Variants in LRRC56 observed in about 807,000 individuals in gnomAD.
LRRC56 encodes the protein leucine rich repeat containing 56, also known as leucine-rich repeat-containing protein 56.
In LRRC56, 41 loss-of-function variants were observed where a neutral mutation model predicts 47.8. The ratio of observed to expected loss-of-function variants is 0.86; its 90% CI spans 0.67 to 1.11. LRRC56 has a LOEUF of 1.11. Among genes scored for constraint, LRRC56 ranks in the 50% most tolerant of loss-of-function variants. The probability of loss-of-function intolerance (pLI) is 0.00; values close to 1 mark genes in which losing one functional copy is unlikely to be tolerated. For missense variants in LRRC56, 759 were observed against 704.2 expected, an observed-to-expected ratio of 1.08 and a Z score of -0.88; for synonymous variants, 387 against 311.2, an observed-to-expected ratio of 1.24 and a Z score of -2.56.
At position 551,121 on chromosome 11, in the gene LRRC56, C is replaced by G; in HGVS notation, c.625-10C>G. The G allele has an allele frequency of 1.4e-6, 2 of 1,384,000 alleles. No homozygotes were observed. Among genetic ancestry groups the G allele is most frequent in the Non-Finnish European group, 1.9e-6 (2 of 1,032,708 alleles). 85.7% of individuals were successfully genotyped at this position (1,384,000 alleles called of 1,614,324 possible). A position where few individuals can be genotyped will look rare whatever the true frequency, so the allele number is the denominator to read the frequency against. Reference sequence around the variant, plus strand: ...ACCTGCCCTCCCTCCCCCTCCCCCTCCCCCTGCAGGTGCCCAGGGGCTACA... The same window carrying G: ...ACCTGCCCTCCCTCCCCCTCCCCCTGCCCCTGCAGGTGCCCAGGGGCTACA... On this transcript the variant is annotated splice_polypyrimidine_tract_variant and intron_variant, in intron 8 of 13. Coordinates refer to ENST00000270115, the MANE Select transcript of LRRC56 (RefSeq NM_198075.4).
chr11:550,624 C>T (rs565673728), intron 8 of LRRC56, among the ~76,000 whole-genome samples: 1 of 152,296 alleles, frequency 6.6e-6, no homozygotes, highest in African/African-American at 2.4e-5. Flanking sequence ...CACCTCCAGC[C>T]CCACAGGCCC....
intron 6 of LRRC56, among the ~76,000 whole-genome samples, chr11:546,709 G>A (rs895868914): frequency 3.9e-5 from 6 of 152,122 alleles, no homozygotes; most frequent in African/African-American, 7.2e-5. Flanking sequence ...GCACCCAGAC[G>A]ACACCGCGAA....
Position 554,135 on chromosome 11 carries a change from G to A in LRRC56, c.1488G>A (p.Val496=), listed in dbSNP as rs914098368. ...GCCTGGGTGATGGGGTGGCTGCAGT[G>A]CCTGTCCTGAGAGCCCTGGAGGTGG... ...GPGLGDGVAA[V]PVLRALEVAS... Residue 496 remains valine, a synonymous_variant, in exon 14 of 14, where the codon GTG becomes GTA. Coordinates refer to ENST00000270115, the MANE Select transcript of LRRC56 (RefSeq NM_198075.4). 3 of 1,602,498 alleles carry A rather than the reference G, an allele frequency of 1.9e-6. No homozygotes were observed. The highest frequency in any genetic ancestry group is 1.3e-5 in the African/African-American group (1 of 74,826).
the LRRC56 span, among the ~76,000 whole-genome samples, chr11:507,633 CGGGGCGCGGCCCCCG>C: frequency 6.6e-6 from 1 of 152,158 alleles, no homozygotes. Flanking sequence ...TGCTGGGGCG[CGGGGCGCGGCCCCCG>C]GAGAAAGCGG....
chr11:514,942 T>C, the LRRC56 span, among the ~76,000 whole-genome samples: 1 of 152,194 alleles, frequency 6.6e-6, no homozygotes, highest in Admixed American at 6.5e-5. Flanking sequence ...ACAGAGGCGG[T>C]GGAGCCCTTG....
chr11:510,233 G>A, the LRRC56 span, among the ~76,000 whole-genome samples: 252 of 152,318 alleles, frequency 1.7e-3, no homozygotes, highest in Non-Finnish European at 2.9e-3. Context: ...TGGTGCTGAA[G>A]GCCTAAGTCA....
rs763955150 is a variant in LRRC56 at position 550,001 on chromosome 11, G to C, written c.423+3G>C. On this transcript the variant is annotated splice_donor_region_variant and intron_variant, in intron 7 of 13. Coordinates refer to ENST00000270115, the MANE Select transcript of LRRC56 (RefSeq NM_198075.4). The stretch of plus-strand genomic sequence containing the variant: ...TCGCCTCTTTGCCAGCACTTAAGGT[G>C]AGTCTGGGCACCCTGGGCTGGGGAG... 36 of 1,612,524 alleles carry C rather than the reference G, an allele frequency of 2.2e-5. No homozygotes were observed. Among genetic ancestry groups the C allele is most frequent in the Non-Finnish European group, 2.8e-5 (33 of 1,179,662 alleles).
chr11:533,504 G>A (rs761180869), upstream of LRRC56: 7 of 1,613,648 alleles, frequency 4.3e-6, no homozygotes, highest in South Asian at 6.6e-5. Context: ...AGCTTCGGGC[G>A]AGGTCCTGAG....
upstream of LRRC56, chr11:534,634 C>T: frequency 2.1e-6 from 1 of 482,032 alleles, no homozygotes; most frequent in South Asian, 2.5e-5. Flanking sequence ...CAGCTGAGCG[C>T]TCTCAACCAC....
chr11:539,353 G>T, intron 2 of LRRC56, among the ~76,000 whole-genome samples: 1 of 148,816 alleles, frequency 6.7e-6, no homozygotes, highest in East Asian at 2.0e-4. Flanking sequence ...CCAAAGTGCT[G>T]GGATTACAGG....
Position 554,265 on chromosome 11 carries a change from GT to G in LRRC56, c.1619del (p.Val540AlafsTer140), listed in dbSNP as rs1564810701. On this transcript the variant is annotated frameshift_variant, in exon 14 of 14. Coordinates refer to ENST00000270115, the MANE Select transcript of LRRC56 (RefSeq NM_198075.4). LOFTEE classifies it high-confidence loss of function. ...RAAELSHPSP[V>X]PT The stretch of plus-strand genomic sequence containing the variant: ...AGCTGAACTCTCTCACCCCAGCCCC[GT>G]CCCCACTTAATATAGCCCCCACTGC... The G allele has an allele frequency of 1.3e-6, 2 of 1,492,052 alleles. No individual in the cohort carries two copies. The highest frequency in any genetic ancestry group is 4.7e-5 in the East Asian group (2 of 42,548). 92.4% of individuals were successfully genotyped at this position (1,492,052 alleles called of 1,614,324 possible).
upstream of LRRC56, among the ~76,000 whole-genome samples, chr11:535,929 G>A (rs1342993430): frequency 1.3e-5 from 2 of 152,140 alleles, no homozygotes; most frequent in African/African-American, 4.8e-5. Context: ...TCCCTGCGCC[G>A]GCAGCGCGGC....
At chr11:516,863 C>T in the LRRC56 span, among the ~76,000 whole-genome samples, 1 of 152,210 alleles carries the variant, frequency 6.6e-6, no homozygotes. Context: ...CTCTCCCTCT[C>T]CCTCTCCCTT....
At chr11:535,795 C>G (rs1012125913), upstream of LRRC56, among the ~76,000 whole-genome samples, 2 of 152,050 alleles carry the variant, frequency 1.3e-5, no homozygotes, top group African/African-American at 4.8e-5. Context: ...CGGGGTTGCT[C>G]GAGGAAGGCC....
chr11:537,669 G>A (rs1399829386), intron 1 of LRRC56, 64 bp downstream of exon 1: 2 of 152,318 alleles, frequency 1.3e-5, no homozygotes. Flanking sequence ...GGTGCCAGGA[G>A]GGAACCTGCG....
chr11:537,103 G>A (rs1851543696), upstream of LRRC56: 1 of 152,252 alleles, frequency 6.6e-6, no homozygotes, highest in Non-Finnish European at 1.5e-5. Flanking sequence ...CCAACCGAAG[G>A]TCAGGACGGC....
chr11:509,780 G>C, the LRRC56 span, among the ~76,000 whole-genome samples: 1 of 149,604 alleles, frequency 6.7e-6, no homozygotes, highest in Non-Finnish European at 1.5e-5. Flanking sequence ...AGCCAGGATG[G>C]TCTCGAGCTC....
chr11:551,800 G>GAAGAT lies in LRRC56; in HGVS notation c.949_953dup (p.Asn318LysfsTer94). The GAAGAT allele has an allele frequency of 6.2e-7, 1 of 1,608,724 alleles. No homozygotes were observed. Among genetic ancestry groups the GAAGAT allele is most frequent in the Non-Finnish European group, 8.5e-7 (1 of 1,177,464 alleles). On this transcript the variant is annotated frameshift_variant, in exon 10 of 14. Transcript: ENST00000270115. LOFTEE classifies it high-confidence loss of function. ...CCTGCTTTCTGAGGACCTGGCCCCAGAAGATAACACCAGCAGCCTCACCCA... is the reference window on the plus strand; with the variant it reads ...CCTGCTTTCTGAGGACCTGGCCCCAGAAGATAAGATAACACCAGCAGCCTCACCCA...
chr11:517,057 C>G, the LRRC56 span, among the ~76,000 whole-genome samples: 1 of 152,196 alleles, frequency 6.6e-6, no homozygotes, highest in Non-Finnish European at 1.5e-5. Context: ...GCCCTGTTGA[C>G]CGGGCTGGTC....
Sources: gnomAD v4.1 joint callset for allele counts (sites outside exome capture counted in the v4.1 genomes callset) on GRCh38, gnomAD v4.1.1 for gene constraint, MANE v1.5 for transcripts, NCBI Gene and HGNC (gene_info 2026-07-23, HGNC 2026-07-21) for gene names.